The following MAGT1 variants were observed in gnomAD, a reference collection of about 807,000 sequenced individuals.
The protein encoded by MAGT1 is dolichyl-diphosphooligosaccharide--protein glycosyltransferase subunit MAGT1.
Under a neutral mutation model 28.4 loss-of-function variants are expected in MAGT1, and 4 were observed. That is an observed-to-expected ratio of 0.14 (90% CI 0.07 to 0.32). The LOEUF (loss-of-function observed/expected upper bound fraction) is 0.32, where lower values mean the gene tolerates loss of function less well. Among genes scored for constraint, MAGT1 ranks in the 10% least tolerant of loss-of-function variants. MAGT1 has a pLI of 1.00. For missense variants in MAGT1, 193 were observed against 264.5 expected (o/e 0.73, Z 1.88); for synonymous variants, 89 against 89.7 (o/e 0.99, Z 0.04).
chrX:77,830,641 TAATA>T (rs1225996920), intron 9 of MAGT1, among the ~76,000 whole-genome samples, 160 bp downstream of exon 9: 1 of 109,412 alleles, frequency 9.1e-6, no homozygotes, highest in African/African-American at 3.3e-5. Flanking sequence ...AATAAATAAA[TAATA>T]AATAAATAGA....
At chrX:77,864,507 T>A (rs367963340) in intron 3 of MAGT1, among the ~76,000 whole-genome samples, 1 of 111,186 alleles carries the variant, frequency 9.0e-6, no homozygotes, top group Admixed American at 9.7e-5. Flanking sequence ...GATCATTCTA[T>A]GAATCTAACA....
chrX:77,878,134 C>G (rs1376553688), intron 1 of MAGT1, among the ~76,000 whole-genome samples: 1 of 102,453 alleles, frequency 9.8e-6, no homozygotes. Flanking sequence ...AAAAAAAATA[C>G]AAAAATTAGC....
intron 3 of MAGT1, among the ~76,000 whole-genome samples, chrX:77,865,028 C>T (rs182578278): frequency 1.3e-3 from 144 of 111,637 alleles, no homozygotes; most frequent in South Asian, 3.3e-3. Context: ...TCTTAAACTC[C>T]AGAAATTGTT....
intron 1 of MAGT1, among the ~76,000 whole-genome samples, chrX:77,890,499 T>C (rs1284522447): frequency 8.9e-6 from 1 of 112,147 alleles, no homozygotes; most frequent in Non-Finnish European, 1.9e-5. Flanking sequence ...CATTTAATTG[T>C]TCTGCAACTG....
intron 1 of MAGT1, among the ~76,000 whole-genome samples, chrX:77,877,013 C>CAAAAAAAAAAAAAAA (rs782800456): frequency 9.4e-5 from 1 of 10,653 alleles, no homozygotes; most frequent in Non-Finnish European, 1.9e-4. Flanking sequence ...AACTCCATCT[C>CAAAAAAAAAAAAAAA]AAAAAAAAAA....
rs949492482 is a variant in MAGT1 at position 77,856,558 on chromosome X, C to G, written c.672+175G>C. Reference sequence around the variant, plus strand: ...TCAGTTCCTTGAAGTTCTGGCCATCCTTATGAGATAATGAATGAAACAAAC... The same window carrying G: ...TCAGTTCCTTGAAGTTCTGGCCATCGTTATGAGATAATGAATGAAACAAAC... On this transcript the variant is annotated intron_variant, in intron 5 of 9. Transcript: ENST00000618282. The G allele has an allele frequency of 3.9e-5, 18 of 464,475 alleles. No homozygotes were observed. The African/African-American group carries it at 4.2e-4, about 11-fold the overall frequency. 38.3% of individuals were successfully genotyped at this position (464,475 alleles called of 1,213,427 possible).
intron 8 of MAGT1, 71 bp from the exon 9 acceptor site, chrX:77,830,966 T>TTTTA: frequency 3.0e-6 from 1 of 329,092 alleles, no homozygotes; most frequent in Non-Finnish European, 5.1e-6. Flanking sequence ...GTCTATACTT[T>TTTTA]CTTTTTTTAT....
At chrX:77,842,345 GATC>G (rs1376409495) in intron 7 of MAGT1, among the ~76,000 whole-genome samples, 1 of 109,528 alleles carries the variant, frequency 9.1e-6, no homozygotes, top group Non-Finnish European at 1.9e-5. Flanking sequence ...AGTTAGCCGT[GATC>G]ATACCACTGC....
At chrX:77,878,204 G>A (rs782303900) in intron 1 of MAGT1, among the ~76,000 whole-genome samples, 2 of 94,902 alleles carry the variant, frequency 2.1e-5, no homozygotes, top group East Asian at 6.6e-4. Context: ...CATGACAATC[G>A]CTTGAACCCG....
At chrX:77,849,136 G>A (rs2076960169) in intron 7 of MAGT1, among the ~76,000 whole-genome samples, 1 of 108,391 alleles carries the variant, frequency 9.2e-6, no homozygotes, top group East Asian at 2.9e-4. Flanking sequence ...GAGCACAGTG[G>A]TGTGATCTCA....
chrX:77,856,210 C>T (rs1026847909), intron 5 of MAGT1, among the ~76,000 whole-genome samples: 3 of 110,067 alleles, frequency 2.7e-5, no homozygotes, highest in African/African-American at 6.6e-5. Flanking sequence ...CTGAGGTGGG[C>T]GGGTCACCTG....
At chrX:77,849,664 A>G (rs2076961619) in intron 7 of MAGT1, among the ~76,000 whole-genome samples, 1 of 110,200 alleles carries the variant, frequency 9.1e-6, no homozygotes, top group Non-Finnish European at 1.9e-5. Context: ...TGAGCTCAGG[A>G]GTTCGAAACC....
intron 6 of MAGT1, 123 bp from the exon 7 acceptor site, chrX:77,854,087 C>A: frequency 1.8e-6 from 1 of 554,147 alleles, no homozygotes; most frequent in Non-Finnish European, 3.2e-6. Flanking sequence ...ATGTGACATA[C>A]TCCGGGTCTG....
At chrX:77,882,764 C>T (rs1434495097) in intron 1 of MAGT1, among the ~76,000 whole-genome samples, 2 of 108,117 alleles carry the variant, frequency 1.8e-5, no homozygotes, top group Non-Finnish European at 3.8e-5. Context: ...CCCTGGAGTT[C>T]GAGACCAGCC....
In MAGT1 at chrX:77,895,394, C is replaced by G. The variant is rs137932369; in HGVS notation, c.17G>C (p.Arg6Pro). ...CATGGTCACAGAGACACACCAAAACCGCCAACGCGCTGCCATGTTCGCTCC... is the reference window on the plus strand; with the variant it reads ...CATGGTCACAGAGACACACCAAAACGGCCAACGCGCTGCCATGTTCGCTCC... MAARW[R>P]FWCVSVTMVV... is the part of the protein sequence containing the mutation. Residue 6 changes from arginine (R) to proline (P), a missense_variant, in exon 1 of 10, where the codon CGG becomes CCG. Transcript: ENST00000618282. 86 of 1,210,613 alleles carry G rather than the reference C, an allele frequency of 7.1e-5. No individual in the cohort carries two copies. In the African/African-American group the frequency reaches 1.4e-3, roughly 20 times the overall value.
At chrX:77,845,445 A>C (rs1439512277) in intron 7 of MAGT1, among the ~76,000 whole-genome samples, 1 of 111,394 alleles carries the variant, frequency 9.0e-6, no homozygotes, top group African/African-American at 3.3e-5. Flanking sequence ...CTTACATTTA[A>C]GGTTAATATT....
At position 77,875,593 on chromosome X, in the gene MAGT1, A is replaced by G. The variant is rs1557217724; in HGVS notation, c.107T>C (p.Val36Ala). ...SASAQRKKEMVLSEKVSQLME... is the reference protein window; with the variant it reads ...SASAQRKKEMALSEKVSQLME... Reference sequence around the variant, plus strand: ...CAGCTGACTAACCTTTTCAGATAACACCATCTAAAAAAGACAAAGTGAGCA... The same window carrying G: ...CAGCTGACTAACCTTTTCAGATAACGCCATCTAAAAAAGACAAAGTGAGCA... Residue 36 changes from valine (V) to alanine (A), a missense_variant, in exon 2 of 10, where the codon GTG becomes GCG. By Grantham distance (64) the Val-to-Ala change is moderately conservative. Coordinates refer to ENST00000618282, the MANE Select transcript of MAGT1 (RefSeq NM_001367916.1). 2.5e-6 allele frequency: 3 copies of G among 1,205,951 alleles called. No individual in the cohort carries two copies. Among genetic ancestry groups the G allele is most frequent in the African/African-American group, 1.8e-5 (1 of 57,141 alleles).
At chrX:77,857,555 T>C in intron 3 of MAGT1, 58 bp from the exon 4 acceptor site, 1 of 1,164,060 alleles carries the variant, frequency 8.6e-7, no homozygotes, top group Non-Finnish European at 1.2e-6. Context: ...TTAATTGCAG[T>C]TAACATCTTG....
At position 77,829,121 on chromosome X, in the gene MAGT1, T is replaced by G. The variant is rs1274999619; in HGVS notation, c.*99A>C. On this transcript the variant is annotated 3_prime_UTR_variant, in exon 10 of 10. Coordinates refer to ENST00000618282, the MANE Select transcript of MAGT1 (RefSeq NM_001367916.1). ...ATTTAAATCACTTGAAAAAAAGAGG[T>G]AATACAAAATATACAAGTTGCATTC... 1.5e-6 allele frequency: 1 copy of G among 687,695 alleles called. No homozygotes were observed. Among genetic ancestry groups the G allele is most frequent in the Non-Finnish European group, 2.3e-6 (1 of 428,963 alleles). 56.7% of individuals were successfully genotyped at this position (687,695 alleles called of 1,213,427 possible). A position where few individuals can be genotyped will look rare whatever the true frequency, so the allele number is the denominator to read the frequency against.
Sources: allele counts gnomAD v4.1 joint callset (sites outside exome capture counted in the v4.1 genomes callset), GRCh38; gene constraint gnomAD v4.1.1; transcripts MANE v1.5; gene names NCBI Gene and HGNC (gene_info 2026-07-23, HGNC 2026-07-21).